ZNF525: variants seen among roughly 807,000 people sequenced by gnomAD.
ZNF525 encodes the protein zinc finger protein 525.
ZNF525 carries 33 observed loss-of-function variants against 37.6 expected under a neutral mutation model. That is an observed-to-expected ratio of 0.88 (90% CI 0.67 to 1.17). ZNF525 has a LOEUF of 1.17. Among genes scored for constraint, ZNF525 ranks in the 50% most tolerant of loss-of-function variants. The pLI is 0.00. For missense variants in ZNF525, 449 were observed against 543.1 expected, an observed-to-expected ratio of 0.83 and a Z score of 1.72; for synonymous variants, 170 against 182.3, an observed-to-expected ratio of 0.93 and a Z score of 0.54.
chr19:53,379,936 A>T (rs1048030461), intron 3 of ZNF525, among the ~76,000 whole-genome samples: 4 of 152,140 alleles, frequency 2.6e-5, no homozygotes, highest in Admixed American at 1.3e-4. Flanking sequence ...CAAAAGGTGG[A>T]GGTTGCAGTG....
chr19:53,375,693 CT>C (rs2085516533), intron 2 of ZNF525, 76 bp from the exon 3 acceptor site: 1 of 1,611,976 alleles, frequency 6.2e-7, no homozygotes, highest in African/African-American at 1.3e-5. Context: ...ATGCTTTCCC[CT>C]CTCTCCTCTT....
In ZNF525 at chr19:53,382,672, C is replaced by A; in HGVS notation, c.*653C>A. On this transcript the variant is annotated 3_prime_UTR_variant, in exon 4 of 4. Coordinates refer to ENST00000474037, the MANE Select transcript of ZNF525 (RefSeq NM_001348156.2). Reference sequence around the variant, plus strand: ...ACAAATGTAATGATTGTCACCACGTCTTCAGTAATGCTACAACTATTGCAA... The same window carrying A: ...ACAAATGTAATGATTGTCACCACGTATTCAGTAATGCTACAACTATTGCAA... The A allele has an allele frequency of 1.4e-6, 1 of 729,822 alleles. No homozygotes were observed. Among genetic ancestry groups the A allele is most frequent in the South Asian group, 1.4e-5 (1 of 72,800 alleles). The allele number at this position is 729,822 out of a possible 1,614,324, so 45.2% of individuals were successfully genotyped here.
Position 53,385,054 on chromosome 19 carries a change from G to C in ZNF525, c.*3035G>C. 1.5e-6 allele frequency: 1 copy of C among 684,588 alleles called. No individual in the cohort carries two copies. Among genetic ancestry groups the C allele is most frequent in the Non-Finnish European group, 2.6e-6 (1 of 378,596 alleles). The allele number at this position is 684,588 out of a possible 1,614,324, so 42.4% of individuals were successfully genotyped here. On this transcript the variant is annotated 3_prime_UTR_variant, in exon 4 of 4. Coordinates refer to ENST00000474037, the MANE Select transcript of ZNF525 (RefSeq NM_001348156.2). The stretch of plus-strand genomic sequence containing the variant: ...TGATGTGGTTTTAATCTTTCATTCT[G>C]TTCTAGTGGTATATAACATTGATTT...
intron 3 of ZNF525, among the ~76,000 whole-genome samples, chr19:53,376,641 G>A (rs547344049): frequency 5.3e-5 from 8 of 152,246 alleles, no homozygotes; most frequent in African/African-American, 1.4e-4. Flanking sequence ...GCAGTGGGGC[G>A]ATCTTGGCTC....
In ZNF525 at chr19:53,381,747, A is replaced by G. The variant is rs759519888; in HGVS notation, c.1168A>G (p.Lys390Glu). Reference sequence around the variant, plus strand: ...ACCATACAAGTGTAATGATTGTGGCAAGACCTTCAGTCATATGTCAACCCT... The same window carrying G: ...ACCATACAAGTGTAATGATTGTGGCGAGACCTTCAGTCATATGTCAACCCT... ...EKPYKCNDCGKTFSHMSTLTC... is the reference protein window; with the variant it reads ...EKPYKCNDCGETFSHMSTLTC... Residue 390 changes from lysine to glutamate, a missense_variant, in exon 4 of 4, where the codon AAG becomes GAG. By Grantham distance (56) the Lys-to-Glu change is moderately conservative (BLOSUM62 1). Transcript: ENST00000474037. 1.9e-6 allele frequency: 2 copies of G among 1,075,608 alleles called. No homozygotes were observed. Among genetic ancestry groups the G allele is most frequent in the Admixed American group, 1.7e-5 (1 of 59,328 alleles). The allele number at this position is 1,075,608 out of a possible 1,614,324, so 66.6% of individuals were successfully genotyped here.
Position 53,386,526 on chromosome 19 carries a change from T to A in ZNF525, c.*4507T>A. ...GGAATATGTTTTTTCTCTGTAAATTTGTTATAAACGCATTGGTTGGCTGTG... is the reference window on the plus strand; with the variant it reads ...GGAATATGTTTTTTCTCTGTAAATTAGTTATAAACGCATTGGTTGGCTGTG... On this transcript the variant is annotated 3_prime_UTR_variant, in exon 4 of 4. Coordinates refer to ENST00000474037, the MANE Select transcript of ZNF525 (RefSeq NM_001348156.2). 1.8e-6 allele frequency: 1 copy of A among 544,742 alleles called. No homozygotes were observed. Among genetic ancestry groups the A allele is most frequent in the Admixed American group, 2.7e-5 (1 of 37,158 alleles). The allele number at this position is 544,742 out of a possible 1,614,324, so 33.7% of individuals were successfully genotyped here. A position where few individuals can be genotyped will look rare whatever the true frequency, so the allele number is the denominator to read the frequency against.
In ZNF525 at chr19:53,375,907, C is replaced by T. The variant is rs1284097837; in HGVS notation, c.142+11C>T. 3 of 1,613,442 alleles carry T rather than the reference C, an allele frequency of 1.9e-6. No homozygotes were observed. Among genetic ancestry groups the T allele is most frequent in the Admixed American group, 3.3e-5 (2 of 59,814 alleles). On this transcript the variant is annotated intron_variant, in intron 3 of 3. Transcript: ENST00000474037. ...ACCTGGTCTCCCTGGGTGAGGATAA[C>T]TTCCCTCCAGAAGTGGGGATGTGTC...
chr19:53,371,952 G>A (rs573025496), intron 1 of ZNF525, among the ~76,000 whole-genome samples: 2 of 152,264 alleles, frequency 1.3e-5, no homozygotes, highest in East Asian at 3.9e-4. Context: ...CCCAGCCTCT[G>A]TATGAAGTTT....
At chr19:53,378,971 T>A (rs1005636047) in intron 3 of ZNF525, among the ~76,000 whole-genome samples, 4 of 152,206 alleles carry the variant, frequency 2.6e-5, no homozygotes, top group African/African-American at 9.6e-5. Context: ...ATTTTCCCAG[T>A]ACACATTCTA....
At chr19:53,371,623 C>T (rs1380840821) in intron 1 of ZNF525, among the ~76,000 whole-genome samples, 1 of 152,134 alleles carries the variant, frequency 6.6e-6, no homozygotes, top group Non-Finnish European at 1.5e-5. Context: ...CCCACCTTGG[C>T]CTTCCAGAGT....
At chr19:53,368,515 G>T (rs997163473) in intron 1 of ZNF525, among the ~76,000 whole-genome samples, 5 of 152,148 alleles carry the variant, frequency 3.3e-5, no homozygotes, top group Admixed American at 6.6e-5. Flanking sequence ...TTATCTTGTG[G>T]CATTAACGCT....
Position 53,366,258 on chromosome 19 carries a change from A to C in ZNF525, c.-68+499A>C, listed in dbSNP as rs74660653. On this transcript the variant is annotated intron_variant, in intron 1 of 3. Transcript: ENST00000474037. ...GGCCCTGCTGCTCCCCAGGTCTCCC[A>C]TCCGCAGTCACAGCTTGCCCTGAGC... Among the ~76,000 whole-genome samples, 123 of 113,564 alleles carry C rather than the reference A, an allele frequency of 1.1e-3. 33 individuals carry two copies. The highest frequency in any genetic ancestry group is 2.2e-3 in the Non-Finnish European group (97 of 44,370). 74.5% of individuals were successfully genotyped at this position (113,564 alleles called of 152,430 possible).
intron 1 of ZNF525, among the ~76,000 whole-genome samples, chr19:53,366,824 T>G (rs1173139785): frequency 2.9e-5 from 4 of 139,614 alleles, no homozygotes; most frequent in East Asian, 2.1e-4. Context: ...AAGAGAGAAT[T>G]TAACGGGGAG....
At chr19:53,377,512 A>G (rs925055151) in intron 3 of ZNF525, among the ~76,000 whole-genome samples, 2 of 146,248 alleles carry the variant, frequency 1.4e-5, no homozygotes, top group Non-Finnish European at 3.0e-5. Flanking sequence ...GGAGAATTTT[A>G]TATATATTTG....
intron 1 of ZNF525, among the ~76,000 whole-genome samples, chr19:53,368,906 T>C (rs564425658): frequency 6.6e-6 from 1 of 152,304 alleles, no homozygotes; most frequent in Admixed American, 6.5e-5. Flanking sequence ...TTGTCCTTTG[T>C]TGTGTGCTGG....
chr19:53,369,715 C>CTTTT lies in ZNF525; in HGVS notation c.-67-2474_-67-2471dup, dbSNP rs57431960. On this transcript the variant is annotated intron_variant, in intron 1 of 3. Transcript: ENST00000474037. ...CAACAGAACCTTGCAAAAGAAGTTT[C>CTTTT]TTTTTTTTTTTTTTTTTTTTTTTTT... Among the ~76,000 whole-genome samples the CTTTT allele has an allele frequency of 2.8e-4, 23 of 81,196 alleles. 1 individual carries two copies. Among genetic ancestry groups the CTTTT allele is most frequent in the Non-Finnish European group, 3.8e-4 (17 of 45,074 alleles). The allele number at this position is 81,196 out of a possible 152,430, so 53.3% of individuals were successfully genotyped here. A position where few individuals can be genotyped will look rare whatever the true frequency, so the allele number is the denominator to read the frequency against.
intron 1 of ZNF525, among the ~76,000 whole-genome samples, chr19:53,369,999 C>T (rs1267307520): frequency 7.3e-5 from 11 of 150,758 alleles, no homozygotes; most frequent in Middle Eastern, 6.8e-3. Context: ...GCTGGGATTA[C>T]AGGCGTGAGC....
At chr19:53,375,515 G>A (rs542589465) in intron 2 of ZNF525, among the ~76,000 whole-genome samples, 2 of 152,282 alleles carry the variant, frequency 1.3e-5, no homozygotes, top group South Asian at 2.1e-4. Context: ...ATCCTGGGAG[G>A]TGGAGGTTGC....
chr19:53,376,314 A>G, intron 3 of ZNF525: 2 of 673,014 alleles, frequency 3.0e-6, no homozygotes, highest in Non-Finnish European at 5.4e-6. Flanking sequence ...TGTGGACAAC[A>G]AGTAGTTGGT....
Sources: allele counts gnomAD v4.1 joint callset (sites outside exome capture counted in the v4.1 genomes callset), GRCh38; gene constraint gnomAD v4.1.1; transcripts MANE v1.5; gene names NCBI Gene and HGNC (gene_info 2026-07-23, HGNC 2026-07-21).